The following DNAAF4 variants were observed in gnomAD, a reference collection of about 807,000 sequenced individuals.
DNAAF4 encodes dynein assembly factor 4, axonemal.
In DNAAF4, 43 loss-of-function variants were observed where a neutral mutation model predicts 51.8. That is an observed-to-expected ratio of 0.83 (90% confidence interval 0.65 to 1.07). The LOEUF is 1.07. DNAAF4 is among the 50% of genes least tolerant of loss of function. The probability of loss-of-function intolerance (pLI) is 0.00; values close to 1 mark genes in which losing one functional copy is unlikely to be tolerated. For missense variants in DNAAF4, 581 were observed against 493.0 expected, an observed-to-expected ratio of 1.18 and a Z score of -1.69; for synonymous variants, 194 against 165.6, an observed-to-expected ratio of 1.17 and a Z score of -1.32.
At position 55,469,506 on chromosome 15, in the gene DNAAF4, G is replaced by A. The variant is rs1401629689; in HGVS notation, c.406-2345C>T. On this transcript the variant is annotated intron_variant, in intron 4 of 9. Transcript: ENST00000321149. Reference sequence around the variant, plus strand: ...TTTTTTTTTTTTTTTTTTTTGAGACGGAGTCTCACTCTGTCGCCCAGGCTG... The same window carrying A: ...TTTTTTTTTTTTTTTTTTTTGAGACAGAGTCTCACTCTGTCGCCCAGGCTG... 2.0e-4 allele frequency among the ~76,000 whole-genome samples: 12 copies of A among 60,154 alleles called. 1 individual carries two copies. The highest frequency in any genetic ancestry group is 1.7e-3 in the South Asian group (3 of 1,750). The allele number at this position is 60,154 out of a possible 152,430, so 39.5% of individuals were successfully genotyped here.
chr15:55,442,088 AG>A (rs1301606162), intron 6 of DNAAF4, among the ~76,000 whole-genome samples: 6 of 152,172 alleles, frequency 3.9e-5, no homozygotes, highest in African/African-American at 1.4e-4. Flanking sequence ...GCAGTGGAGC[AG>A]GTAACACATC....
downstream of DNAAF4, among the ~76,000 whole-genome samples, chr15:55,426,869 C>A (rs935461958): frequency 3.3e-5 from 5 of 152,158 alleles, no homozygotes; most frequent in African/African-American, 9.7e-5. Context: ...CATCAACCAA[C>A]CCACTTTTTG....
intron 4 of DNAAF4, among the ~76,000 whole-genome samples, chr15:55,481,070 C>A (rs2058403085): frequency 6.6e-6 from 1 of 152,132 alleles, no homozygotes; most frequent in Non-Finnish European, 1.5e-5. Context: ...GTGTCTTCTG[C>A]CATGATTGGT....
chr15:55,430,882 G>T lies in DNAAF4; in HGVS notation c.1154-103C>A. On this transcript the variant is annotated intron_variant, in intron 9 of 9. Coordinates refer to ENST00000321149, the MANE Select transcript of DNAAF4 (RefSeq NM_130810.4). ...AAATAAAAATAATCACTAGTAGCAT[G>T]GTTCAGAACAAGTACCAAGTTTTAA... 5 of 888,194 alleles carry T rather than the reference G, an allele frequency of 5.6e-6. No individual in the cohort carries two copies. In the South Asian group the frequency reaches 7.0e-5, roughly 13 times the overall value. The allele number at this position is 888,194 out of a possible 1,614,324, so 55.0% of individuals were successfully genotyped here. A position where few individuals can be genotyped will look rare whatever the true frequency, so the allele number is the denominator to read the frequency against.
At chr15:55,453,249 T>A (rs148116743) in intron 5 of DNAAF4, among the ~76,000 whole-genome samples, 1 of 152,162 alleles carries the variant, frequency 6.6e-6, no homozygotes, top group African/African-American at 2.4e-5. Flanking sequence ...AACAAGTCTT[T>A]TGCAAATAAG....
intron 4 of DNAAF4, among the ~76,000 whole-genome samples, chr15:55,469,474 CTTTTTTTTTTTTTT>C (rs1162485238): frequency 3.0e-5 from 2 of 66,274 alleles, no homozygotes; most frequent in East Asian, 5.7e-4. Context: ...CTTACCAATT[CTTTTTTTTTTTTTT>C]TTTTTTTTTT....
At chr15:55,471,900 C>T (rs1263235964) in intron 4 of DNAAF4, among the ~76,000 whole-genome samples, 1 of 152,138 alleles carries the variant, frequency 6.6e-6, no homozygotes, top group Non-Finnish European at 1.5e-5. Flanking sequence ...AGTGCAGTAG[C>T]ACGATCTTCG....
intron 4 of DNAAF4, among the ~76,000 whole-genome samples, chr15:55,469,769 C>T (rs958782187): frequency 4.6e-5 from 7 of 151,832 alleles, no homozygotes; most frequent in Non-Finnish European, 7.4e-5. Context: ...GGATTACAGG[C>T]GTGAGCCACT....
intron 4 of DNAAF4, among the ~76,000 whole-genome samples, chr15:55,484,106 G>A (rs1440039722): frequency 1.3e-5 from 2 of 151,868 alleles, no homozygotes; most frequent in African/African-American, 2.4e-5. Flanking sequence ...TAGTGAGAAT[G>A]GGAGAAACCG....
At chr15:55,478,566 A>T (rs2058366661) in intron 4 of DNAAF4, among the ~76,000 whole-genome samples, 1 of 152,264 alleles carries the variant, frequency 6.6e-6, no homozygotes, top group Admixed American at 6.5e-5. Flanking sequence ...AACAACATCC[A>T]ATTAAGCTGA....
At chr15:55,482,081 T>C (rs886432936) in intron 4 of DNAAF4, among the ~76,000 whole-genome samples, 1 of 152,200 alleles carries the variant, frequency 6.6e-6, no homozygotes, top group African/African-American at 2.4e-5. Context: ...GGAGTGTACT[T>C]TTGCTTCAGT....
chr15:55,468,797 T>A (rs1436241689), intron 4 of DNAAF4, among the ~76,000 whole-genome samples: 1 of 152,170 alleles, frequency 6.6e-6, no homozygotes, highest in Non-Finnish European at 1.5e-5. Context: ...ACAGGAAAGT[T>A]CTGGTATTAT....
intron 7 of DNAAF4, among the ~76,000 whole-genome samples, chr15:55,420,275 T>C (rs1430182429): frequency 2.0e-5 from 3 of 152,216 alleles, no homozygotes; most frequent in East Asian, 1.9e-4. Flanking sequence ...TAATTTTATA[T>C]ATCTTCAACA....
At chr15:55,506,835 A>G (rs924365575) in intron 1 of DNAAF4, among the ~76,000 whole-genome samples, 7 of 152,084 alleles carry the variant, frequency 4.6e-5, no homozygotes, top group Non-Finnish European at 8.8e-5. Context: ...ATTTTATACA[A>G]CTTTTACTTT....
At chr15:55,473,742 G>C (rs2058299231) in intron 4 of DNAAF4, among the ~76,000 whole-genome samples, 2 of 152,132 alleles carry the variant, frequency 1.3e-5, no homozygotes, top group Non-Finnish European at 2.9e-5. Flanking sequence ...TGTAATCCCA[G>C]CACTTTGGGA....
At chr15:55,484,384 C>T (rs2058456489) in intron 4 of DNAAF4, among the ~76,000 whole-genome samples, 1 of 151,286 alleles carries the variant, frequency 6.6e-6, no homozygotes, top group Non-Finnish European at 1.5e-5. Context: ...ACTGGGGAGG[C>T]TGAGGCAGGA....
chr15:55,501,125 G>A (rs943954076), intron 1 of DNAAF4, among the ~76,000 whole-genome samples: 9 of 151,388 alleles, frequency 5.9e-5, no homozygotes, highest in East Asian at 2.0e-4. Context: ...GTGCAGTGGC[G>A]CGATCTCGGC....
chr15:55,434,996 A>G lies in DNAAF4; in HGVS notation c.956T>C (p.Leu319Pro). Reference protein sequence around the residue: ...AINAYNLAIRLNNKMPLLYLN... With the variant: ...AINAYNLAIRPNNKMPLLYLN... ...ATACAATAGTGGCATCTTATTATTTAGTCTTATGGCTAAATTATATGCATT... is the reference window on the plus strand; with the variant it reads ...ATACAATAGTGGCATCTTATTATTTGGTCTTATGGCTAAATTATATGCATT... The change falls in exon 8 of 10, where the codon CTA becomes CCA. Residue 319 changes from leucine to proline, a missense_variant. Transcript: ENST00000321149. The G allele has an allele frequency of 1.2e-6, 2 of 1,613,034 alleles. No individual in the cohort carries two copies. Among genetic ancestry groups the G allele is most frequent in the Non-Finnish European group, 1.7e-6 (2 of 1,179,796 alleles).
At chr15:55,504,905 G>A (rs919448178) in intron 1 of DNAAF4, among the ~76,000 whole-genome samples, 1 of 152,154 alleles carries the variant, frequency 6.6e-6, no homozygotes, top group Non-Finnish European at 1.5e-5. Flanking sequence ...GGCAACAAAA[G>A]CCAAAATTGA....
Sources: allele counts gnomAD v4.1 joint callset (sites outside exome capture counted in the v4.1 genomes callset), GRCh38; gene constraint gnomAD v4.1.1; transcripts MANE v1.5; gene names NCBI Gene and HGNC (gene_info 2026-07-23, HGNC 2026-07-21).